ABCA10: variants seen among roughly 807,000 people sequenced by gnomAD.
ABCA10 encodes ATP binding cassette subfamily A member 10, also known as ATP-binding cassette sub-family A member 10.
A neutral mutation model predicts 187.5 loss-of-function variants in ABCA10; 169 were observed. The observed-to-expected ratio is 0.90, with a 90% CI of 0.80 to 1.02. The LOEUF is 1.02. Ranked by LOEUF, ABCA10 falls within the 50% of genes least tolerant of loss-of-function variation. The probability of loss-of-function intolerance (pLI) is 0.00; values close to 1 mark genes in which losing one functional copy is unlikely to be tolerated. For missense variants in ABCA10, 1,727 were observed against 1,812.4 expected (o/e 0.95, Z 0.86); for synonymous variants, 574 against 601.8 (o/e 0.95, Z 0.68).
At chr17:69,217,704 A>G (rs540958321) in intron 6 of ABCA10, among the ~76,000 whole-genome samples, 81 of 152,334 alleles carry the variant, frequency 5.3e-4, no homozygotes, top group African/African-American at 1.9e-3. Context: ...AGAAGGGATA[A>G]TATACAAGAA....
chr17:69,174,881 GTGTC>G (rs1313465839), intron 23 of ABCA10, 104 bp from the exon 24 acceptor site: 7 of 999,922 alleles, frequency 7.0e-6, no homozygotes, highest in African/African-American at 1.7e-5. Context: ...GTATGTTATA[GTGTC>G]TGTGTGACAA....
At chr17:69,208,841 A>G (rs2074613038) in intron 9 of ABCA10, among the ~76,000 whole-genome samples, 1 of 152,182 alleles carries the variant, frequency 6.6e-6, no homozygotes, top group South Asian at 2.1e-4. Context: ...GTTTGAGACC[A>G]GCCTGGGCAA....
intron 20 of ABCA10, among the ~76,000 whole-genome samples, chr17:69,184,108 C>T (rs183965145): frequency 1.3e-3 from 194 of 152,166 alleles, no homozygotes; most frequent in Non-Finnish European, 2.2e-3. Context: ...ACTTCCCTAG[C>T]GACCTGTACG....
intron 10 of ABCA10, among the ~76,000 whole-genome samples, chr17:69,198,552 C>T (rs1297118220): frequency 6.6e-6 from 1 of 152,160 alleles, no homozygotes; most frequent in Non-Finnish European, 1.5e-5. Flanking sequence ...AGAGATTTCC[C>T]AGAAAATCCC....
chr17:69,162,326 G>C (rs1391102154), intron 27 of ABCA10, among the ~76,000 whole-genome samples: 2 of 152,202 alleles, frequency 1.3e-5, no homozygotes, highest in Non-Finnish European at 2.9e-5. Flanking sequence ...TCCAGTTAAA[G>C]CAAAAGTGAA....
chr17:69,169,762 G>A (rs576667833), intron 25 of ABCA10, among the ~76,000 whole-genome samples: 15 of 152,184 alleles, frequency 9.9e-5, no homozygotes, highest in Admixed American at 2.0e-4. Context: ...AATATGATAC[G>A]TATCAAAAAG....
In ABCA10 at chr17:69,152,187, G is replaced by T; in HGVS notation, c.4257-4C>A. ...ATGTTGAATGGAACCAATACACCTA[G>T]TTCAGGGGAAATAAAGAAAAAATAC... On this transcript the variant is annotated splice_region_variant and splice_polypyrimidine_tract_variant and intron_variant, in intron 35 of 38. Coordinates refer to ENST00000690296, the MANE Select transcript of ABCA10 (RefSeq NM_001377321.1). 1 of 1,596,738 alleles carries T rather than the reference G, an allele frequency of 6.3e-7. No individual in the cohort carries two copies. The highest frequency in any genetic ancestry group is 1.1e-5 in the South Asian group (1 of 87,102).
chr17:69,192,238 C>T (rs1161272799), intron 16 of ABCA10, among the ~76,000 whole-genome samples: 2 of 152,138 alleles, frequency 1.3e-5, no homozygotes, highest in Admixed American at 6.5e-5. Flanking sequence ...GCAGGAGAAT[C>T]GCTTTAACCA....
At chr17:69,169,177 G>A (rs1371350613) in intron 25 of ABCA10, among the ~76,000 whole-genome samples, 3 of 152,132 alleles carry the variant, frequency 2.0e-5, no homozygotes, top group African/African-American at 7.2e-5. Flanking sequence ...CAAAAGAACT[G>A]AAATAATGTG....
rs374060441 is a variant in ABCA10 at position 69,185,579 on chromosome 17, G to A, written c.2395C>T (p.Arg799Cys). The A allele has an allele frequency of 2.7e-5, 44 of 1,612,956 alleles. No homozygotes were observed. In the East Asian group the frequency reaches 7.6e-4, roughly 28 times the overall value. The change falls in exon 20 of 39, where the codon CGT (arginine) becomes TGT (cysteine). Residue 799 changes from arginine (R) to cysteine (C), a missense_variant. Transcript: ENST00000690296. ...ILEKIMYKVT[R>C]ETHCWEFSPS... ...GAAAACTCCCAACAATGAGTTTCAC[G>A]AGTTACTTTATACATTATCTTCTCT...
upstream of ABCA10, among the ~76,000 whole-genome samples, chr17:69,231,415 TCC>T (rs1184790300): frequency 2.6e-5 from 4 of 152,164 alleles, no homozygotes; most frequent in Admixed American, 2.6e-4. Flanking sequence ...GCTATAAACT[TCC>T]CTCTTAAAAC....
At chr17:69,166,525 C>T (rs1442599121) in intron 25 of ABCA10, among the ~76,000 whole-genome samples, 1 of 152,088 alleles carries the variant, frequency 6.6e-6, no homozygotes, top group Non-Finnish European at 1.5e-5. Context: ...TTTTGAAATA[C>T]TTTGAAATCT....
At chr17:69,205,278 T>C (rs557372794) in intron 9 of ABCA10, among the ~76,000 whole-genome samples, 1 of 152,336 alleles carries the variant, frequency 6.6e-6, no homozygotes, top group Admixed American at 6.5e-5. Flanking sequence ...CTTCATCAAA[T>C]ATTTATTGAG....
intron 24 of ABCA10, 98 bp from the exon 25 acceptor site, chr17:69,174,492 TTTC>T: frequency 6.9e-7 from 1 of 1,443,818 alleles, no homozygotes; most frequent in Non-Finnish European, 9.4e-7. Flanking sequence ...CTAAGGCAAT[TTTC>T]TTATTTTCTT....
At chr17:69,231,271 A>T (rs1190020785), upstream of ABCA10, among the ~76,000 whole-genome samples, 1 of 152,060 alleles carries the variant, frequency 6.6e-6, no homozygotes, top group African/African-American at 2.4e-5. Context: ...TGTGTCTTCA[A>T]ATGGCATTCT....
At position 69,156,689 on chromosome 17, in the gene ABCA10, C is replaced by G. The variant is rs914688074; in HGVS notation, c.3455+143G>C. On this transcript the variant is annotated intron_variant, in intron 28 of 38. Transcript: ENST00000690296. ...TTAAGAAGATTAAATATTTAAATTA[C>G]ATTCAGATCTCAATTAGTATTCTCC... The G allele has an allele frequency of 1.1e-4, 41 of 376,774 alleles. No individual in the cohort carries two copies. In the East Asian group the frequency reaches 1.7e-3, roughly 16 times the overall value. 23.3% of individuals were successfully genotyped at this position (376,774 alleles called of 1,614,324 possible). A position where few individuals can be genotyped will look rare whatever the true frequency, so the allele number is the denominator to read the frequency against.
rs769935609 is a variant in ABCA10, at chr17:69,148,940, A to G, written c.4534-15T>C. On this transcript the variant is annotated splice_polypyrimidine_tract_variant and intron_variant, in intron 38 of 38. Coordinates refer to ENST00000690296, the MANE Select transcript of ABCA10 (RefSeq NM_001377321.1). Reference sequence around the variant, plus strand: ...TCTAAGAATACCTAAGTAAGAGAAAATAAAAAAGATACAAAAATGTCAGGG... The same window carrying G: ...TCTAAGAATACCTAAGTAAGAGAAAGTAAAAAAGATACAAAAATGTCAGGG... 1.1e-5 allele frequency: 18 copies of G among 1,612,888 alleles called. No homozygotes were observed. The highest frequency in any genetic ancestry group is 1.7e-5 in the Admixed American group (1 of 59,938).
intron 3 of ABCA10, chr17:69,223,618 G>A: frequency 4.8e-6 from 2 of 419,178 alleles, no homozygotes; most frequent in Admixed American, 3.0e-5. Context: ...ATTTTATGCT[G>A]TAGCCATACC....
chr17:69,149,918 G>A, intron 37 of ABCA10, 66 bp downstream of exon 37: 1 of 1,221,724 alleles, frequency 8.2e-7, no homozygotes, highest in South Asian at 1.3e-5. Flanking sequence ...AAATTACATA[G>A]TCTATATTCC....
Sources: gnomAD v4.1 joint callset for allele counts (sites outside exome capture counted in the v4.1 genomes callset) on GRCh38, gnomAD v4.1.1 for gene constraint, MANE v1.5 for transcripts, NCBI Gene and HGNC (gene_info 2026-07-23, HGNC 2026-07-21) for gene names.